PPP2R2B: variants seen among roughly 807,000 people sequenced by gnomAD.
PPP2R2B encodes the protein protein phosphatase 2 regulatory subunit Bbeta.
Under a neutral mutation model 46.0 loss-of-function variants are expected in PPP2R2B, and 5 were observed. The ratio of observed to expected loss-of-function variants is 0.11; its 90% CI spans 0.06 to 0.23. The LOEUF (loss-of-function observed/expected upper bound fraction) is 0.23, where lower values mean the gene tolerates loss of function less well. Among genes scored for constraint, PPP2R2B ranks in the 10% least tolerant of loss-of-function variants. The pLI, the probability that PPP2R2B is intolerant of heterozygous loss-of-function variation, is 1.00. For synonymous variants in PPP2R2B, 215 were observed against 206.7 expected, an observed-to-expected ratio of 1.04 and a Z score of -0.34; for missense variants, 367 against 575.0, an observed-to-expected ratio of 0.64 and a Z score of 3.70.
intron 7 of PPP2R2B, among the ~76,000 whole-genome samples, chr5:146,626,121 T>C (rs1412253267): frequency 6.6e-6 from 1 of 151,234 alleles, no homozygotes; most frequent in African/African-American, 2.4e-5. Flanking sequence ...GGTAAGTTAG[T>C]GTTGTTTTAA....
chr5:147,052,793 T>C, intron 1 of PPP2R2B, among the ~76,000 whole-genome samples: 1 of 151,908 alleles, frequency 6.6e-6, no homozygotes, highest in Non-Finnish European at 1.5e-5. Flanking sequence ...TTTTAGAGTG[T>C]GGGGTGGTAA....
intron 1 of PPP2R2B, among the ~76,000 whole-genome samples, chr5:147,032,476 C>T (rs754086491): frequency 6.6e-6 from 1 of 152,118 alleles, no homozygotes; most frequent in African/African-American, 2.4e-5. Flanking sequence ...GTACACTCTG[C>T]ACCATATTTA....
intron 2 of PPP2R2B, among the ~76,000 whole-genome samples, chr5:146,742,378 G>A (rs995466909): frequency 1.3e-5 from 2 of 152,138 alleles, no homozygotes; most frequent in African/African-American, 4.8e-5. Context: ...TTTAACTAAT[G>A]ACTAGCTATG....
intron 4 of PPP2R2B, among the ~76,000 whole-genome samples, chr5:146,695,756 T>G (rs959666730): frequency 1.3e-5 from 2 of 152,196 alleles, no homozygotes; most frequent in Non-Finnish European, 2.9e-5. Flanking sequence ...TGTGGCAGCT[T>G]TTAAACACAA....
chr5:146,960,365 C>T (rs1561542320), intron 1 of PPP2R2B, among the ~76,000 whole-genome samples: 1 of 152,170 alleles, frequency 6.6e-6, no homozygotes, highest in African/African-American at 2.4e-5. Context: ...TCTCGGCTCA[C>T]TGCAACCTCC....
intron 5 of PPP2R2B, among the ~76,000 whole-genome samples, chr5:146,688,297 A>G (rs1353399198): frequency 6.6e-6 from 1 of 152,082 alleles, no homozygotes; most frequent in Non-Finnish European, 1.5e-5. Flanking sequence ...TCCAAAAAAT[A>G]ACAGGTTCAT....
chr5:147,077,907 G>C (rs538979098), intron 2 of PPP2R2B, among the ~76,000 whole-genome samples: 6 of 152,278 alleles, frequency 3.9e-5, no homozygotes, highest in African/African-American at 1.4e-4. Flanking sequence ...TATTCATAAT[G>C]ATCGTCTAAG....
chr5:146,974,130 T>A (rs1296699093), intron 1 of PPP2R2B, among the ~76,000 whole-genome samples: 1 of 152,186 alleles, frequency 6.6e-6, no homozygotes, highest in Non-Finnish European at 1.5e-5. Flanking sequence ...GAAAGTATCA[T>A]TTGAGTTTAA....
At chr5:146,760,869 G>T (rs1043378410) in intron 2 of PPP2R2B, among the ~76,000 whole-genome samples, 1 of 152,114 alleles carries the variant, frequency 6.6e-6, no homozygotes, top group Non-Finnish European at 1.5e-5. Flanking sequence ...TGAACAGACA[G>T]TTCTCAAAGA....
intron 2 of PPP2R2B, among the ~76,000 whole-genome samples, chr5:146,847,830 G>A (rs547220767): frequency 3.0e-4 from 45 of 152,212 alleles, no homozygotes; most frequent in Middle Eastern, 3.4e-3. Context: ...TTCATTGATG[G>A]GGAACTAAAG....
chr5:147,002,608 C>T (rs868646806), intron 1 of PPP2R2B, among the ~76,000 whole-genome samples: 4 of 149,280 alleles, frequency 2.7e-5, no homozygotes, highest in South Asian at 4.2e-4. Context: ...TGCAGGTTTT[C>T]GAGAATGCAT....
intron 2 of PPP2R2B, among the ~76,000 whole-genome samples, chr5:146,729,852 G>T (rs1011250674): frequency 6.6e-6 from 1 of 152,252 alleles, no homozygotes; most frequent in African/African-American, 2.4e-5. Context: ...CAGGGGCAGG[G>T]CCCTCATGGA....
intron 2 of PPP2R2B, among the ~76,000 whole-genome samples, chr5:146,721,564 A>G (rs1036595066): frequency 6.6e-6 from 1 of 152,242 alleles, no homozygotes; most frequent in Non-Finnish European, 1.5e-5. Context: ...CACAGTTTCA[A>G]TGGCACCAAA....
chr5:147,049,592 T>G (rs1359525246), intron 1 of PPP2R2B, among the ~76,000 whole-genome samples: 1 of 152,170 alleles, frequency 6.6e-6, no homozygotes, highest in Admixed American at 6.6e-5. Context: ...ATTCCTGGGC[T>G]TCAATATTTA....
At chr5:146,930,974 C>A (rs1251754686) in intron 1 of PPP2R2B, among the ~76,000 whole-genome samples, 1 of 152,068 alleles carries the variant, frequency 6.6e-6, no homozygotes, top group Non-Finnish European at 1.5e-5. Flanking sequence ...TAATAAAGAT[C>A]CCCTCACGTG....
At chr5:146,615,722 A>T (rs895692887) in intron 7 of PPP2R2B, among the ~76,000 whole-genome samples, 1 of 152,052 alleles carries the variant, frequency 6.6e-6, no homozygotes, top group Admixed American at 6.6e-5. Context: ...AAATTAAAAA[A>T]CACTGATGAA....
In PPP2R2B at chr5:147,081,146, A is replaced by G. The variant is rs1245490638; in HGVS notation, c.-28-10T>C. On this transcript the variant is annotated splice_polypyrimidine_tract_variant and intron_variant, in intron 1 of 10. Coordinates refer to the PPP2R2B transcript ENST00000394413. Reference sequence around the variant, plus strand: ...GTGAGTGTCCCAATTCCTGAAAACAACACAAGGAGACACTTCAGGTTAGGT... The same window carrying G: ...GTGAGTGTCCCAATTCCTGAAAACAGCACAAGGAGACACTTCAGGTTAGGT... 9 of 1,535,418 alleles carry G rather than the reference A, an allele frequency of 5.9e-6. No homozygotes were observed. In the African/African-American group the frequency reaches 1.1e-4, roughly 19 times the overall value.
chr5:146,872,910 G>A (rs1761696744), intron 2 of PPP2R2B, among the ~76,000 whole-genome samples: 1 of 152,128 alleles, frequency 6.6e-6, no homozygotes, highest in Non-Finnish European at 1.5e-5. Context: ...GCCCTGAAAT[G>A]TTCTTATCTG....
chr5:146,629,103 C>T (rs1460267690), intron 7 of PPP2R2B, among the ~76,000 whole-genome samples: 1 of 152,132 alleles, frequency 6.6e-6, no homozygotes, highest in East Asian at 1.9e-4. Context: ...ATAGCTATGA[C>T]ATGCTCGTGA....
Sources: allele counts gnomAD v4.1 joint callset (sites outside exome capture counted in the v4.1 genomes callset), GRCh38; gene constraint gnomAD v4.1.1; transcripts MANE v1.5; gene names NCBI Gene and HGNC (gene_info 2026-07-23, HGNC 2026-07-21).